Variants in SPEG observed in about 807,000 individuals in gnomAD.
SPEG encodes the protein striated muscle preferentially expressed protein kinase.
Under a neutral mutation model 300.4 loss-of-function variants are expected in SPEG, and 114 were observed. The observed-to-expected ratio is 0.38, with a 90% CI of 0.33 to 0.44. SPEG has a LOEUF of 0.44. SPEG is among the 20% of genes least tolerant of loss of function. The pLI is 1.00. For synonymous variants in SPEG, 1,964 were observed against 2,018.9 expected, an observed-to-expected ratio of 0.97 and a Z score of 0.73; for missense variants, 4,201 against 4,586.2, an observed-to-expected ratio of 0.92 and a Z score of 2.43.
chr2:219,485,155 G>A, intron 30 of SPEG, 83 bp downstream of exon 30: 2 of 1,505,512 alleles, frequency 1.3e-6, no homozygotes, highest in Non-Finnish European at 9.0e-7. Context: ...GCAGAGGGCT[G>A]GGGACACCCA....
rs551484259 is a variant in SPEG, at chr2:219,453,899, G to A, written c.2440+2092G>A. Among the ~76,000 whole-genome samples, 6 of 152,318 alleles carry A rather than the reference G, an allele frequency of 3.9e-5. No individual in the cohort carries two copies. In the South Asian group the frequency reaches 6.2e-4, roughly 16 times the overall value. The stretch of plus-strand genomic sequence containing the variant: ...GGGATGGCACAGACATCTGGCAAGG[G>A]GTGGTCCCAGGCCTGGAGTCTGCAG... On this transcript the variant is annotated intron_variant, in intron 6 of 40. Transcript: ENST00000312358.
Position 219,489,390 on chromosome 2 carries a change from CA to C in SPEG, c.8373del (p.Ala2792ProfsTer16), listed in dbSNP as rs1559432303. The stretch of plus-strand genomic sequence containing the variant: ...CAAGAGGCCCCTGTCACCTCAAGGC[CA>C]GCCAGGGCCCGGCCTCCTGACTCTC... Reference protein sequence around the residue: ...AHQEAPVTSRPARARPPDSPT... With the variant: ...AHQEAPVTSRXARARPPDSPT... On this transcript the variant is annotated frameshift_variant, in exon 36 of 41. Transcript: ENST00000312358. LOFTEE classifies it high-confidence loss of function. The C allele has an allele frequency of 6.2e-7, 1 of 1,613,548 alleles. No individual in the cohort carries two copies. Among genetic ancestry groups the C allele is most frequent in the South Asian group, 1.1e-5 (1 of 91,042 alleles).
chr2:219,482,958 C>A, intron 29 of SPEG, 106 bp downstream of exon 29: 1 of 1,405,962 alleles, frequency 7.1e-7, no homozygotes, highest in Non-Finnish European at 9.9e-7. Context: ...TTCTCGCTTT[C>A]ACTGGCTCCA....
intron 13 of SPEG, chr2:219,471,644 G>A: frequency 1.7e-6 from 1 of 576,776 alleles, no homozygotes; most frequent in Non-Finnish European, 3.1e-6. Context: ...AGACCAGAGG[G>A]GCCAGGGCAG....
chr2:219,446,489 G>A (rs1268725365), intron 3 of SPEG, among the ~76,000 whole-genome samples: 1 of 152,152 alleles, frequency 6.6e-6, no homozygotes, highest in Non-Finnish European at 1.5e-5. Context: ...CAGGTGGCTG[G>A]CTGGGGTTTC....
chr2:219,442,060 C>G, intron 1 of SPEG: 1 of 1,189,984 alleles, frequency 8.4e-7, no homozygotes, highest in Non-Finnish European at 1.1e-6. Context: ...CATGAAGAAG[C>G]TGTGGGTGAA....
chr2:219,434,897 C>A lies in SPEG; in HGVS notation c.-81C>A. ...GAAGGCAGGCCGCCGGCCCCCCAGA[C>A]TTGTCTCCTAGGGCACCGTCCCGCG... On this transcript the variant is annotated 5_prime_UTR_variant, in exon 1 of 41. Coordinates refer to ENST00000312358, the MANE Select transcript of SPEG (RefSeq NM_005876.5). The A allele has an allele frequency of 9.6e-7, 1 of 1,041,172 alleles. No homozygotes were observed. The highest frequency in any genetic ancestry group is 1.3e-6 in the Non-Finnish European group (1 of 754,820). 64.5% of individuals were successfully genotyped at this position (1,041,172 alleles called of 1,614,324 possible).
intron 1 of SPEG, among the ~76,000 whole-genome samples, chr2:219,440,045 C>T (rs1954816984): frequency 2.0e-5 from 3 of 152,202 alleles, no homozygotes; most frequent in Non-Finnish European, 4.4e-5. Flanking sequence ...GAAACAAGAA[C>T]ACCTGTATGC....
chr2:219,471,731 A>G (rs1691890731), intron 13 of SPEG, 137 bp from the exon 14 acceptor site: 1 of 1,072,902 alleles, frequency 9.3e-7, no homozygotes. Flanking sequence ...TGCCTGCCCC[A>G]TCCTTGCCCC....
At position 219,489,395 on chromosome 2, in the gene SPEG, A is replaced by G. The variant is rs780793185; in HGVS notation, c.8377A>G (p.Arg2793Gly). 8.1e-6 allele frequency: 13 copies of G among 1,610,004 alleles called. 2 individuals are homozygous for G. In the South Asian group the frequency reaches 1.2e-4, roughly 15 times the overall value. The change falls in exon 36 of 41, where the codon AGG becomes GGG. Residue 2793 changes from arginine to glycine, a missense_variant. Transcript: ENST00000312358. ...QEAPVTSRPA[R>G]ARPPDSPTSL... Reference sequence around the variant, plus strand: ...GGCCCCTGTCACCTCAAGGCCAGCCAGGGCCCGGCCTCCTGACTCTCCTAC... The same window carrying G: ...GGCCCCTGTCACCTCAAGGCCAGCCGGGGCCCGGCCTCCTGACTCTCCTAC...
At chr2:219,461,115 A>G in intron 6 of SPEG, 3 of 896,830 alleles carry the variant, frequency 3.3e-6, no homozygotes, top group Non-Finnish European at 4.0e-6. Flanking sequence ...GCTCAGCGAG[A>G]CTGGGACCCT....
In SPEG at chr2:219,448,217, G is replaced by A. The variant is rs1334229192; in HGVS notation, c.1059G>A (p.Lys353=). ...CCGAGGACACCACCACCGAAGAGAA[G>A]CGAGGGAAGAAGTCCAAGTCGTCCG... ...VLPEDTTTEE[K]RGKKSKSSGP... The change falls in exon 4 of 41, where the codon AAG becomes AAA. Residue 353 remains lysine (K), a synonymous_variant. Coordinates refer to ENST00000312358, the MANE Select transcript of SPEG (RefSeq NM_005876.5). 1.9e-6 allele frequency: 3 copies of A among 1,612,434 alleles called. No individual in the cohort carries two copies. The East Asian group carries it at 6.7e-5, about 36-fold the overall frequency.
Position 219,469,274 on chromosome 2 carries a change from G to C in SPEG, c.3610G>C (p.Glu1204Gln), listed in dbSNP as rs1408932426. The change falls in exon 13 of 41, where the codon GAG (glutamate) becomes CAG (glutamine). Residue 1204 changes from glutamate (E) to glutamine (Q), a missense_variant. Around this residue, in one of 4 missense-constraint regions of SPEG, gnomAD observed 1,047 missense variants for 1,356.8 expected, o/e 0.77. Transcript: ENST00000312358. ...LQDLEVGLAK[E>Q]AMLECQVTGL... ...GGACCTGGAGGTGGGACTGGCCAAGGAGGCCATGCTAGAGTGCCAGGTGAC... is the reference window on the plus strand; with the variant it reads ...GGACCTGGAGGTGGGACTGGCCAAGCAGGCCATGCTAGAGTGCCAGGTGAC... The C allele has an allele frequency of 8.1e-6, 13 of 1,613,866 alleles. No homozygotes were observed. Among genetic ancestry groups the C allele is most frequent in the Non-Finnish European group, 1.1e-5 (13 of 1,179,948 alleles).
chr2:219,491,985 T>C, intron 39 of SPEG, 116 bp downstream of exon 39: 3 of 1,346,510 alleles, frequency 2.2e-6, no homozygotes, highest in Non-Finnish European at 2.1e-6. Flanking sequence ...ACATCCACAC[T>C]GCACACTCAC....
At chr2:219,491,006 G>C (rs1226929514) in intron 38 of SPEG, 50 bp downstream of exon 38, 16 of 1,491,572 alleles carry the variant, frequency 1.1e-5, no homozygotes, top group Non-Finnish European at 1.5e-5. Flanking sequence ...CTGCCAGAGA[G>C]GCAGCAGCCA....
intron 13 of SPEG, 57 bp from the exon 14 acceptor site, chr2:219,471,810 CT>C (rs1383094512): frequency 1.2e-6 from 2 of 1,606,354 alleles, no homozygotes; most frequent in African/African-American, 2.7e-5. Flanking sequence ...TGGCATGGGC[CT>C]ACCCCTCAAG....
At chr2:219,471,147 G>A (rs533721054) in intron 13 of SPEG, among the ~76,000 whole-genome samples, 1 of 152,272 alleles carries the variant, frequency 6.6e-6, no homozygotes, top group African/African-American at 2.4e-5. Flanking sequence ...CAGAGGATGA[G>A]GGGTAGAGAG....
chr2:219,451,775 C>T lies in SPEG; in HGVS notation c.2408C>T (p.Ala803Val), dbSNP rs374412707. Reference protein sequence around the residue: ...MATATNELGQATCAASLTVRP... With the variant: ...MATATNELGQVTCAASLTVRP... ...ACCGCCACCAACGAGCTGGGCCAGG[C>T]CACCTGTGCCGCCTCACTGACCGTG... Residue 803 changes from alanine (A) to valine (V), a missense_variant, in exon 6 of 41, where the codon GCC (alanine) becomes GTC (valine). Transcript: ENST00000312358. The surrounding 1 kb of genome is among the most constrained non-coding windows in gnomAD (Gnocchi z 6.4). 1.2e-5 allele frequency: 19 copies of T among 1,552,444 alleles called. No homozygotes were observed. The highest frequency in any genetic ancestry group is 1.7e-5 in the Non-Finnish European group (19 of 1,148,240).
chr2:219,482,884 C>T (rs1379089399), intron 29 of SPEG, 32 bp downstream of exon 29: 19 of 1,604,144 alleles, frequency 1.2e-5, no homozygotes, highest in Non-Finnish European at 1.3e-5. Flanking sequence ...CTGTGCTTTC[C>T]ACCTTCTCCT....
Sources: allele counts gnomAD v4.1 joint callset (sites outside exome capture counted in the v4.1 genomes callset), GRCh38; gene constraint gnomAD v4.1.1; regional missense constraint gnomAD v4.1.1; non-coding constraint Gnocchi (gnomAD v3.1); transcripts MANE v1.5; gene names NCBI Gene and HGNC (gene_info 2026-07-23, HGNC 2026-07-21).